Variants in ZSCAN30 observed in about 807,000 individuals in gnomAD.
The protein encoded by ZSCAN30 is zinc finger and SCAN domain-containing protein 30.
In ZSCAN30, 37 loss-of-function variants were observed where a neutral mutation model predicts 44.3. That is an observed-to-expected ratio of 0.84 (90% CI 0.64 to 1.10). The LOEUF is 1.10. Ranked by LOEUF, ZSCAN30 falls within the 50% of genes least tolerant of loss-of-function variation. The pLI is 0.00. For synonymous variants in ZSCAN30, 181 were observed against 204.6 expected (o/e 0.88, Z 0.98); for missense variants, 549 against 582.6 (o/e 0.94, Z 0.59).
At chr18:35,277,644 C>T (rs1222715857) in intron 1 of ZSCAN30, among the ~76,000 whole-genome samples, 1 of 152,170 alleles carries the variant, frequency 6.6e-6, no homozygotes, top group African/African-American at 2.4e-5. Flanking sequence ...CCCAGTCATG[C>T]TGAACTGTGA....
intron 1 of ZSCAN30, among the ~76,000 whole-genome samples, chr18:35,280,642 CAG>C (rs1338250289): frequency 6.6e-6 from 1 of 152,186 alleles, no homozygotes; most frequent in Admixed American, 6.5e-5. Flanking sequence ...TTTTCTGAAT[CAG>C]AGTTTTCAGC....
At chr18:35,266,447 A>G (rs538374642) in intron 1 of ZSCAN30, among the ~76,000 whole-genome samples, 246 of 152,288 alleles carry the variant, frequency 1.6e-3, no homozygotes, top group African/African-American at 5.4e-3. Flanking sequence ...GACACACCGT[A>G]TAAGGGCTTG....
In ZSCAN30 at chr18:35,264,269, AT is replaced by A; in HGVS notation, c.83del (p.Asn28IlefsTer39). The A allele has an allele frequency of 1.9e-6, 3 of 1,613,988 alleles. No individual in the cohort carries two copies. The highest frequency in any genetic ancestry group is 2.5e-6 in the Non-Finnish European group (3 of 1,179,994). ...GLLVVKVEEE[N>X]YVLDQDFGLQ... ...GGCCAAAGTCCTGGTCCAAAACATA[AT>A]TTTCTTCTTCAACCTTGACAACTAG... On this transcript the variant is annotated frameshift_variant, in exon 2 of 4. Coordinates refer to ENST00000333206, the MANE Select transcript of ZSCAN30 (RefSeq NM_001112734.4). LOFTEE classifies it high-confidence loss of function.
chr18:35,275,059 G>A (rs2143751126), intron 1 of ZSCAN30, among the ~76,000 whole-genome samples: 1 of 152,182 alleles, frequency 6.6e-6, no homozygotes, highest in Admixed American at 6.5e-5. Flanking sequence ...CAAAAAGTTT[G>A]CTTTTCTCCC....
chr18:35,273,702 T>C (rs1325447393), intron 1 of ZSCAN30, among the ~76,000 whole-genome samples: 1 of 152,244 alleles, frequency 6.6e-6, no homozygotes, highest in African/African-American at 2.4e-5. Flanking sequence ...CTCTATTTCA[T>C]TGGCCTGTAT....
intron 3 of ZSCAN30, chr18:35,255,871 A>G (rs1329766097): frequency 1.9e-5 from 3 of 154,392 alleles, no homozygotes; most frequent in Non-Finnish European, 4.4e-5. Context: ...TGAAAAATAT[A>G]CTTGCATACA....
At chr18:35,276,291 G>A (rs1598646467) in intron 1 of ZSCAN30, among the ~76,000 whole-genome samples, 1 of 150,186 alleles carries the variant, frequency 6.7e-6, no homozygotes, top group Non-Finnish European at 1.5e-5. Context: ...TTTTCTTTGT[G>A]TGCCTTTTTT....
chr18:35,268,673 AAG>A (rs971883531), intron 1 of ZSCAN30: 1 of 152,412 alleles, frequency 6.6e-6, no homozygotes, highest in Non-Finnish European at 1.5e-5. Flanking sequence ...AGAGGAGGGC[AAG>A]AGAGAGAGAT....
At chr18:35,284,277 A>G (rs1020199468) in intron 1 of ZSCAN30, 2 of 152,632 alleles carry the variant, frequency 1.3e-5, no homozygotes, top group Middle Eastern at 6.8e-3. Context: ...GGCAGGTCCA[A>G]GAAAAAGCAC....
chr18:35,258,043 A>G, intron 3 of ZSCAN30: 1 of 777,678 alleles, frequency 1.3e-6, no homozygotes, highest in Non-Finnish European at 2.4e-6. Flanking sequence ...GAAACTTATA[A>G]CTCAAGGTTG....
At chr18:35,272,350 G>GTTTT (rs35727680) in intron 1 of ZSCAN30, among the ~76,000 whole-genome samples, 6 of 137,664 alleles carry the variant, frequency 4.4e-5, no homozygotes, top group African/African-American at 8.1e-5. Context: ...ATTTTAGAAA[G>GTTTT]TTTTTTTTTT....
At chr18:35,284,077 C>T (rs1174226710) in intron 1 of ZSCAN30, 4 of 153,502 alleles carry the variant, frequency 2.6e-5, no homozygotes, top group Non-Finnish European at 5.8e-5. Flanking sequence ...AGAGGAGGCC[C>T]TGAAGTGGGT....
intron 1 of ZSCAN30, among the ~76,000 whole-genome samples, chr18:35,274,040 C>T (rs192636215): frequency 2.8e-4 from 42 of 151,926 alleles, no homozygotes; most frequent in African/African-American, 6.3e-4. Context: ...TTTTTTGAGA[C>T]GGAGTCTTGC....
intron 1 of ZSCAN30, among the ~76,000 whole-genome samples, chr18:35,271,147 G>T (rs114036828): frequency 1.3e-5 from 2 of 152,232 alleles, no homozygotes; most frequent in African/African-American, 2.4e-5. Flanking sequence ...AAAACCCTCC[G>T]CACTGTGGAA....
intron 1 of ZSCAN30, among the ~76,000 whole-genome samples, chr18:35,274,899 CTT>C (rs2044344304): frequency 6.6e-6 from 1 of 152,142 alleles, no homozygotes; most frequent in Non-Finnish European, 1.5e-5. Flanking sequence ...AAGATAGTAT[CTT>C]TTGAAGAATA....
chr18:35,257,768 G>A (rs924273029), intron 3 of ZSCAN30, among the ~76,000 whole-genome samples: 1 of 152,146 alleles, frequency 6.6e-6, no homozygotes, highest in Non-Finnish European at 1.5e-5. Context: ...CACCTTCATT[G>A]CCCCATCTCT....
intron 3 of ZSCAN30, chr18:35,259,334 G>A (rs952876146): frequency 6.6e-6 from 1 of 152,196 alleles, no homozygotes; most frequent in Non-Finnish European, 1.5e-5. Context: ...TGGGGCTATA[G>A]GCATGCACCA....
intron 1 of ZSCAN30, among the ~76,000 whole-genome samples, chr18:35,274,067 G>C (rs928094378): frequency 1.3e-5 from 2 of 152,074 alleles, no homozygotes; most frequent in African/African-American, 2.4e-5. Context: ...TCAGGCTGGA[G>C]TGCAGTGGTG....
rs564674918 is a variant in ZSCAN30 at position 35,255,287 on chromosome 18, A to G, written c.554-906T>C. ...AACAGAAGGCTACTAGAGATGGGGCATATTATGTCAGCCATCTACTAGTTA... is the reference window on the plus strand; with the variant it reads ...AACAGAAGGCTACTAGAGATGGGGCGTATTATGTCAGCCATCTACTAGTTA... On this transcript the variant is annotated intron_variant, in intron 3 of 3. Transcript: ENST00000333206. Among the ~76,000 whole-genome samples, 56 of 151,694 alleles carry G rather than the reference A, an allele frequency of 3.7e-4. 1 individual carries two copies. Among genetic ancestry groups the G allele is most frequent in the African/African-American group, 1.4e-3 (56 of 41,468 alleles).
Sources: allele counts gnomAD v4.1 joint callset (sites outside exome capture counted in the v4.1 genomes callset), GRCh38; gene constraint gnomAD v4.1.1; transcripts MANE v1.5; gene names NCBI Gene and HGNC (gene_info 2026-07-23, HGNC 2026-07-21).